The following MGME1 variants were observed in gnomAD, a reference collection of about 807,000 sequenced individuals.
MGME1 encodes mitochondrial genome maintenance exonuclease 1.
A neutral mutation model predicts 33.0 loss-of-function variants in MGME1; 22 were observed. The observed-to-expected ratio is 0.67, with a 90% CI of 0.48 to 0.95. The LOEUF (loss-of-function observed/expected upper bound fraction) is 0.95. Among genes scored for constraint, MGME1 ranks in the 40% least tolerant of loss-of-function variants. MGME1 has a pLI of 0.00. For missense variants in MGME1, 383 were observed against 397.8 expected (o/e 0.96, Z 0.32); for synonymous variants, 133 against 144.0 (o/e 0.92, Z 0.55).
At chr20:17,972,539 G>A (rs1025488688) in intron 2 of MGME1, among the ~76,000 whole-genome samples, 1 of 149,236 alleles carries the variant, frequency 6.7e-6, no homozygotes, top group African/African-American at 2.5e-5. Flanking sequence ...GTTTTTTTTA[G>A]TGCACTTCAT....
intron 3 of MGME1, among the ~76,000 whole-genome samples, chr20:17,985,282 G>C (rs557379557): frequency 9.5e-4 from 145 of 152,210 alleles, no homozygotes; most frequent in Admixed American, 3.4e-3. Context: ...AATTAGCCAA[G>C]CGTGGTGGTG....
intron 2 of MGME1, among the ~76,000 whole-genome samples, chr20:17,971,902 A>AT (rs1403113474): frequency 6.6e-6 from 1 of 152,012 alleles, no homozygotes; most frequent in Admixed American, 6.6e-5. Flanking sequence ...TGCCTGGCTA[A>AT]TTTTTTTATT....
chr20:17,972,921 T>C (rs1256029786), intron 2 of MGME1, among the ~76,000 whole-genome samples: 1 of 152,196 alleles, frequency 6.6e-6, no homozygotes, highest in African/African-American at 2.4e-5. Context: ...TTCTTGTAGG[T>C]CTTTCACGTG....
rs1471371146 is a variant in MGME1, at chr20:17,987,187, AAAG to A, written c.732-973_732-971del. On this transcript the variant is annotated intron_variant, in intron 3 of 4. Transcript: ENST00000377710. The stretch of plus-strand genomic sequence containing the variant: ...ACTCCATCTAAAAAAAAAAAAAAAA[AAAG>A]AAGAACCAGGAATGGCATCCTAGAG... Among the ~76,000 whole-genome samples the A allele has an allele frequency of 3.4e-3, 496 of 146,166 alleles. 6 individuals carry two copies. Among genetic ancestry groups the A allele is most frequent in the African/African-American group, 0.013 (486 of 36,200 alleles).
chr20:17,979,185 T>C (rs2035941795), intron 3 of MGME1, among the ~76,000 whole-genome samples: 1 of 150,966 alleles, frequency 6.6e-6, no homozygotes, highest in Non-Finnish European at 1.5e-5. Context: ...CAAGCGATTC[T>C]CCCACCTCAG....
At position 17,988,061 on chromosome 20, in the gene MGME1, T is replaced by C. The variant is rs1449370520; in HGVS notation, c.732-105T>C. 9.7e-6 allele frequency: 11 copies of C among 1,132,112 alleles called. No homozygotes were observed. In the East Asian group the frequency reaches 2.8e-4, roughly 29 times the overall value. 70.1% of individuals were successfully genotyped at this position (1,132,112 alleles called of 1,614,324 possible). On this transcript the variant is annotated intron_variant, in intron 3 of 4. Coordinates refer to ENST00000377710, the MANE Select transcript of MGME1 (RefSeq NM_052865.4). ...AAAAAATGGTGAATAAGAGCAATGG[T>C]CATTGGCTGACAAGTAACAAACTAT... is the stretch of plus-strand genomic sequence containing the variant.
chr20:17,978,012 TC>T (rs2035911368), intron 3 of MGME1, among the ~76,000 whole-genome samples: 1 of 152,234 alleles, frequency 6.6e-6, no homozygotes, highest in African/African-American at 2.4e-5. Flanking sequence ...GCTTGTCTAT[TC>T]CACAGCCCAA....
chr20:17,988,121 A>T, intron 3 of MGME1, 45 bp from the exon 4 acceptor site: 1 of 1,567,214 alleles, frequency 6.4e-7, no homozygotes, highest in Non-Finnish European at 8.6e-7. Context: ...AGAGATTTTC[A>T]TTGTGATCTA....
At chr20:17,988,105 C>T in intron 3 of MGME1, 61 bp from the exon 4 acceptor site, 1 of 1,499,140 alleles carries the variant, frequency 6.7e-7, no homozygotes, top group East Asian at 2.3e-5. Flanking sequence ...GAACTGTTAA[C>T]CTAGTAGAGA....
intron 3 of MGME1, among the ~76,000 whole-genome samples, chr20:17,984,746 A>C (rs2036112173): frequency 1.3e-5 from 2 of 152,194 alleles, no homozygotes; most frequent in South Asian, 4.1e-4. Flanking sequence ...AAAGATATCA[A>C]AAAAGAGGCC....
At chr20:17,975,936 C>T (rs758467793) in intron 3 of MGME1, 33 bp downstream of exon 3, 49 of 1,517,908 alleles carry the variant, frequency 3.2e-5, no homozygotes, top group Admixed American at 1.5e-4. Flanking sequence ...ATTAATACAG[C>T]GTAGGACAGA....
upstream of MGME1, chr20:17,968,616 G>A: frequency 1.6e-6 from 1 of 628,614 alleles, no homozygotes; most frequent in East Asian, 3.6e-5. Flanking sequence ...GGCGAGCAGG[G>A]CGCCACGTGC....
intron 2 of MGME1, among the ~76,000 whole-genome samples, chr20:17,974,529 A>G (rs1443384194): frequency 6.6e-6 from 1 of 152,192 alleles, no homozygotes; most frequent in African/African-American, 2.4e-5. Flanking sequence ...TGGGGACGAA[A>G]AGTAAGGCTT....
rs1160315799 is a variant in MGME1 at position 17,975,703 on chromosome 20, A to G, written c.531A>G (p.Lys177=). Residue 177 remains lysine, a synonymous_variant, in exon 3 of 5, where the codon AAA becomes AAG. Coordinates refer to ENST00000377710, the MANE Select transcript of MGME1 (RefSeq NM_052865.4). ...TTTCAGACGTCTTTTTACAAGGGAA[A>G]CGGTTCCACGAAGCCTTGGAAAGCA... The part of the protein sequence containing the change: ...EYTSNVFLQG[K]RFHEALESIL... 2 of 1,613,726 alleles carry G rather than the reference A, an allele frequency of 1.2e-6. No homozygotes were observed. Among genetic ancestry groups the G allele is most frequent in the Non-Finnish European group, 1.7e-6 (2 of 1,179,708 alleles).
chr20:17,976,950 C>G (rs2035884631), intron 3 of MGME1, among the ~76,000 whole-genome samples: 1 of 152,038 alleles, frequency 6.6e-6, no homozygotes, highest in Admixed American at 6.5e-5. Context: ...CATGAGCCAC[C>G]ACGCCCGGTC....
chr20:17,973,678 C>T (rs1568607402), intron 2 of MGME1, among the ~76,000 whole-genome samples: 1 of 151,894 alleles, frequency 6.6e-6, no homozygotes, highest in Non-Finnish European at 1.5e-5. Context: ...AGTTGTTTTC[C>T]GCCTTTTCTG....
chr20:17,990,538 C>T lies in MGME1; in HGVS notation c.*429C>T. 4.1e-6 allele frequency: 1 copy of T among 245,590 alleles called. No individual in the cohort carries two copies. The highest frequency in any genetic ancestry group is 7.9e-6 in the Non-Finnish European group (1 of 126,414). 15.2% of individuals were successfully genotyped at this position (245,590 alleles called of 1,614,324 possible). Reference sequence around the variant, plus strand: ...AGGGGAAGGGGCTACATGCCCCCAGCTGTGTGCAGGGAGGACACATCAGCC... The same window carrying T: ...AGGGGAAGGGGCTACATGCCCCCAGTTGTGTGCAGGGAGGACACATCAGCC... On this transcript the variant is annotated 3_prime_UTR_variant, in exon 5 of 5. Transcript: ENST00000377710.
At chr20:17,968,935 GGA>G (rs1204483575), upstream of MGME1, 2 of 157,304 alleles carry the variant, frequency 1.3e-5, no homozygotes, top group African/African-American at 4.8e-5. Flanking sequence ...CCTTCCGCTC[GGA>G]GAGGTACTCC....
upstream of MGME1, chr20:17,968,839 A>C (rs2122461174): frequency 5.2e-6 from 1 of 191,096 alleles, no homozygotes; most frequent in Non-Finnish European, 1.1e-5. Context: ...GCCCGAGTCC[A>C]AGATGGCAGC....
Sources: allele counts gnomAD v4.1 joint callset (sites outside exome capture counted in the v4.1 genomes callset), GRCh38; gene constraint gnomAD v4.1.1; transcripts MANE v1.5; gene names NCBI Gene and HGNC (gene_info 2026-07-23, HGNC 2026-07-21).